VAV2: variants seen among roughly 807,000 people sequenced by gnomAD.
VAV2 encodes guanine nucleotide exchange factor VAV2.
Under a neutral mutation model 132.5 loss-of-function variants are expected in VAV2, and 67 were observed. The observed-to-expected ratio is 0.51, with a 90% CI of 0.42 to 0.62. The LOEUF (loss-of-function observed/expected upper bound fraction) is 0.62. VAV2 is among the 20% of genes least tolerant of loss of function. The pLI is 0.00. For synonymous variants in VAV2, 492 were observed against 443.5 expected (o/e 1.11, Z -1.37); for missense variants, 938 against 1,153.6 (o/e 0.81, Z 2.71).
Position 133,928,219 on chromosome 9 carries a change from G to A in VAV2, c.321+10884C>T, listed in dbSNP as rs570679664. Among the ~76,000 whole-genome samples, 67 of 152,228 alleles carry A rather than the reference G, an allele frequency of 4.4e-4. No homozygotes were observed. Among genetic ancestry groups the A allele is most frequent in the Non-Finnish European group, 7.6e-4 (52 of 68,014 alleles). ...CATGTGTGTATGTCTGTGTGTGTGC[G>A]TGCATGTGTGTGTCTGTGCCCATGT... On this transcript the variant is annotated intron_variant, in intron 2 of 29. Transcript: ENST00000371850. The surrounding 1 kb of genome is among the most constrained non-coding windows in gnomAD (Gnocchi z 5.4).
At chr9:133,905,192 G>A (rs543502508) in intron 2 of VAV2, among the ~76,000 whole-genome samples, 1 of 152,228 alleles carries the variant, frequency 6.6e-6, no homozygotes, top group African/African-American at 2.4e-5. Context: ...ACTTCGGAAG[G>A]CCAAGGCGGG....
intron 2 of VAV2, among the ~76,000 whole-genome samples, chr9:133,904,669 G>A (rs896588341): frequency 2.6e-5 from 4 of 152,238 alleles, no homozygotes; most frequent in East Asian, 1.9e-4. Flanking sequence ...AACCGGCCAC[G>A]GGGCCGTCGG....
intron 23 of VAV2, among the ~76,000 whole-genome samples, chr9:133,777,172 C>T (rs150519141): frequency 6.6e-5 from 10 of 152,234 alleles, no homozygotes; most frequent in Admixed American, 3.3e-4. Flanking sequence ...AAACGACACC[C>T]GATCGGCTGA....
intron 2 of VAV2, among the ~76,000 whole-genome samples, chr9:133,871,360 A>G (rs1055856346): frequency 7.0e-6 from 1 of 143,874 alleles, no homozygotes; most frequent in African/African-American, 2.6e-5. Flanking sequence ...GACAGATGGT[A>G]AATGGGTGGG....
At chr9:133,770,532 C>T (rs1335259693) in intron 26 of VAV2, 31 bp from the exon 27 acceptor site, 1 of 1,609,096 alleles carries the variant, frequency 6.2e-7, no homozygotes, top group South Asian at 1.1e-5. Context: ...CTGACAGCTG[C>T]TGCCACCTCC....
chr9:133,844,584 C>T (rs1333156201), intron 3 of VAV2, among the ~76,000 whole-genome samples: 2 of 152,248 alleles, frequency 1.3e-5, no homozygotes, highest in Admixed American at 1.3e-4. Context: ...CTCTGTGCAT[C>T]TCACTTCTGC....
intron 13 of VAV2, among the ~76,000 whole-genome samples, chr9:133,791,298 T>C (rs1270884597): frequency 6.6e-6 from 1 of 152,018 alleles, no homozygotes. Flanking sequence ...CCCTGCCTGA[T>C]GGGGTCCGAG....
At chr9:133,911,638 G>A (rs1039792577) in intron 2 of VAV2, among the ~76,000 whole-genome samples, 1 of 152,318 alleles carries the variant, frequency 6.6e-6, no homozygotes, top group African/African-American at 2.4e-5. Flanking sequence ...CCTAAGTCAG[G>A]GTGGCAGGCA....
chr9:133,798,392 C>T (rs1272085202), intron 9 of VAV2, among the ~76,000 whole-genome samples: 7 of 152,324 alleles, frequency 4.6e-5, no homozygotes, highest in African/African-American at 1.2e-4. Flanking sequence ...CCTGGGAGGA[C>T]GCCCAGGAAG....
intron 3 of VAV2, among the ~76,000 whole-genome samples, chr9:133,851,917 A>ATGGATGGG (rs1554790677): frequency 3.5e-5 from 5 of 141,280 alleles, no homozygotes; most frequent in African/African-American, 1.4e-4. Context: ...GGGTGGATGG[A>ATGGATGGG]TGGATGGATG....
chr9:133,803,790 A>C (rs1294699031), intron 9 of VAV2, among the ~76,000 whole-genome samples: 2 of 152,132 alleles, frequency 1.3e-5, no homozygotes, highest in African/African-American at 2.4e-5. Flanking sequence ...TCGCTTAATA[A>C]AAGAAAAATT....
Position 133,899,983 on chromosome 9 carries a change from T to C in VAV2, c.322-38551A>G, listed in dbSNP as rs979401645. On this transcript the variant is annotated intron_variant, in intron 2 of 29. Transcript: ENST00000371850. ...TTGCAGTGAGCCGAGATTGCACCACTGCACTCCAGCCTGGGCGACAGAGCA... is the reference window on the plus strand; with the variant it reads ...TTGCAGTGAGCCGAGATTGCACCACCGCACTCCAGCCTGGGCGACAGAGCA... Among the ~76,000 whole-genome samples, 100 of 148,476 alleles carry C rather than the reference T, an allele frequency of 6.7e-4. 1 individual carries two copies. Among genetic ancestry groups the C allele is most frequent in the Admixed American group, 6.7e-3 (99 of 14,754 alleles).
chr9:133,934,334 C>T (rs1840825872), intron 2 of VAV2, among the ~76,000 whole-genome samples: 1 of 152,170 alleles, frequency 6.6e-6, no homozygotes, highest in Non-Finnish European at 1.5e-5. Flanking sequence ...CTAAACCAGC[C>T]AGAGACACCA....
At chr9:133,837,517 T>G (rs941056252) in intron 3 of VAV2, among the ~76,000 whole-genome samples, 1 of 152,076 alleles carries the variant, frequency 6.6e-6, no homozygotes, top group Non-Finnish European at 1.5e-5. Context: ...ACCAATACGG[T>G]GAAACCCCGT....
At chr9:133,783,877 GTTTTT>G (rs56069048) in intron 18 of VAV2, among the ~76,000 whole-genome samples, 1 of 85,160 alleles carries the variant, frequency 1.2e-5, no homozygotes, top group Non-Finnish European at 2.4e-5. Flanking sequence ...TGGCTGGGCC[GTTTTT>G]TTTTTTTTTT....
intron 4 of VAV2, among the ~76,000 whole-genome samples, chr9:133,830,062 C>T (rs765001587): frequency 6.6e-6 from 1 of 152,188 alleles, no homozygotes; most frequent in Admixed American, 6.5e-5. Context: ...GGCACTCACA[C>T]GGTGCCCCTC....
intron 9 of VAV2, among the ~76,000 whole-genome samples, chr9:133,805,499 G>A (rs940134457): frequency 1.3e-5 from 2 of 151,576 alleles, no homozygotes; most frequent in African/African-American, 2.4e-5. Flanking sequence ...CCCCAGAAAC[G>A]CCATCTCCCC....
At chr9:133,767,203 G>A (rs1271699340) in intron 29 of VAV2, among the ~76,000 whole-genome samples, 1 of 152,100 alleles carries the variant, frequency 6.6e-6, no homozygotes, top group Non-Finnish European at 1.5e-5. Context: ...AGACCAGACT[G>A]GCTTCCCCAA....
intron 1 of VAV2, among the ~76,000 whole-genome samples, chr9:133,988,940 G>C (rs548233085): frequency 1.1e-3 from 165 of 151,884 alleles, no homozygotes; most frequent in Non-Finnish European, 2.0e-3. Context: ...GGCCAGGCAC[G>C]GTGGCTCAAG....
Sources: gnomAD v4.1 joint callset for allele counts (sites outside exome capture counted in the v4.1 genomes callset) on GRCh38, gnomAD v4.1.1 for gene constraint, Gnocchi (gnomAD v3.1) non-coding constraint, MANE v1.5 for transcripts, NCBI Gene and HGNC (gene_info 2026-07-23, HGNC 2026-07-21) for gene names.